Variants in BCAR3 observed in about 807,000 individuals in gnomAD.
BCAR3 encodes BCAR3 adaptor protein, NSP family member, also known as breast cancer anti-estrogen resistance protein 3.
A neutral mutation model predicts 80.1 loss-of-function variants in BCAR3; 37 were observed. The observed-to-expected ratio is 0.46, with a 90% CI of 0.36 to 0.61. The LOEUF (loss-of-function observed/expected upper bound fraction) is 0.61. Ranked by LOEUF, BCAR3 falls within the 20% of genes least tolerant of loss-of-function variation. The pLI, the probability that BCAR3 is intolerant of heterozygous loss-of-function variation, is 0.00. For missense variants in BCAR3, 978 were observed against 1,068.2 expected (o/e 0.92, Z 1.18); for synonymous variants, 389 against 418.9 (o/e 0.93, Z 0.87).
At chr1:93,562,801 A>G (rs1458678847) in intron 11 of BCAR3, among the ~76,000 whole-genome samples, 1 of 150,370 alleles carries the variant, frequency 6.7e-6, no homozygotes, top group Non-Finnish European at 1.5e-5. Context: ...ATAGACTGAA[A>G]GCTTGCTTAA....
At chr1:93,710,599 C>T (rs761955101) in intron 2 of BCAR3, among the ~76,000 whole-genome samples, 20 of 152,278 alleles carry the variant, frequency 1.3e-4, no homozygotes, top group African/African-American at 2.4e-4. Context: ...ACCAACCTTT[C>T]GGCCTCATTT....
intron 2 of BCAR3, among the ~76,000 whole-genome samples, chr1:93,826,025 G>T (rs1654361461): frequency 6.6e-6 from 1 of 152,210 alleles, no homozygotes; most frequent in Non-Finnish European, 1.5e-5. Flanking sequence ...TTCAGTAAAT[G>T]TGAGTTGAAT....
intron 2 of BCAR3, among the ~76,000 whole-genome samples, chr1:93,782,841 T>C (rs1652810111): frequency 6.6e-6 from 1 of 152,196 alleles, no homozygotes; most frequent in East Asian, 1.9e-4. Context: ...AGAACATCTG[T>C]TCATCAAAAG....
intron 8 of BCAR3, among the ~76,000 whole-genome samples, chr1:93,575,530 A>C (rs1317637657): frequency 6.6e-6 from 1 of 151,996 alleles, no homozygotes; most frequent in Admixed American, 6.6e-5. Context: ...CTCTGACCCT[A>C]TTTGTCCACC....
At chr1:93,609,508 G>A (rs763200623) in intron 3 of BCAR3, among the ~76,000 whole-genome samples, 1 of 152,112 alleles carries the variant, frequency 6.6e-6, no homozygotes, top group Non-Finnish European at 1.5e-5. Flanking sequence ...TTCCTCAGGC[G>A]CAAACATTGA....
At position 93,592,094 on chromosome 1, in the gene BCAR3, TC is replaced by T. The variant is rs1674227552; in HGVS notation, c.486+170del. On this transcript the variant is annotated intron_variant, in intron 4 of 11. Coordinates refer to ENST00000260502, the MANE Select transcript of BCAR3 (RefSeq NM_003567.4). This position sits in a 1 kb window ranked among gnomAD's most constrained non-coding sequence, Gnocchi z 4.8. The stretch of plus-strand genomic sequence containing the variant: ...GCTTTGGGTTCTTGACCTCAGCTCT[TC>T]CCAAGGTCTTCTTAGAGAAGGGTCT... 2 of 941,210 alleles carry T rather than the reference TC, an allele frequency of 2.1e-6. No homozygotes were observed. Among genetic ancestry groups the T allele is most frequent in the Non-Finnish European group, 3.0e-6 (2 of 656,506 alleles). 58.3% of individuals were successfully genotyped at this position (941,210 alleles called of 1,614,324 possible).
chr1:93,575,400 T>C (rs1002804983), intron 8 of BCAR3, among the ~76,000 whole-genome samples: 1 of 152,206 alleles, frequency 6.6e-6, no homozygotes, highest in Admixed American at 6.5e-5. Flanking sequence ...CATACCTCAT[T>C]GTTGGTGTCT....
intron 2 of BCAR3, among the ~76,000 whole-genome samples, chr1:93,758,546 T>C (rs1651824587): frequency 1.3e-5 from 2 of 152,206 alleles, no homozygotes; most frequent in South Asian, 2.1e-4. Flanking sequence ...TCTATGACAC[T>C]TTCACTAGAT....
chr1:93,634,037 A>G (rs919970606), intron 3 of BCAR3, among the ~76,000 whole-genome samples: 8 of 152,200 alleles, frequency 5.3e-5, no homozygotes, highest in Admixed American at 2.0e-4. Flanking sequence ...GGTAACTACC[A>G]CTACAATCAC....
chr1:93,698,954 C>T (rs191864063), intron 3 of BCAR3, among the ~76,000 whole-genome samples: 10 of 152,298 alleles, frequency 6.6e-5, no homozygotes, highest in Admixed American at 6.5e-4. Flanking sequence ...GTGCCTCCTG[C>T]TTTTTTGGCT....
At chr1:93,585,556 A>T (rs778334204) in intron 5 of BCAR3, among the ~76,000 whole-genome samples, 1 of 151,886 alleles carries the variant, frequency 6.6e-6, no homozygotes, top group Non-Finnish European at 1.5e-5. Flanking sequence ...TGCCGAATAC[A>T]CTCCCACTCT....
chr1:93,657,182 G>T (rs1021226274), intron 2 of BCAR3, among the ~76,000 whole-genome samples: 1 of 152,064 alleles, frequency 6.6e-6, no homozygotes, highest in African/African-American at 2.4e-5. Context: ...TGGATTCTTA[G>T]GAGAAAAATT....
intron 2 of BCAR3, among the ~76,000 whole-genome samples, chr1:93,771,504 T>C (rs1189561145): frequency 1.3e-5 from 2 of 152,208 alleles, no homozygotes; most frequent in African/African-American, 2.4e-5. Context: ...ATAACGTCTC[T>C]ATGTCTCTTT....
intron 3 of BCAR3, among the ~76,000 whole-genome samples, chr1:93,606,669 G>A (rs1426719615): frequency 6.6e-6 from 1 of 152,152 alleles, no homozygotes; most frequent in African/African-American, 2.4e-5. Context: ...AGCCTATCTG[G>A]AGAACTACGG....
chr1:93,703,437 C>T (rs1649718175), intron 3 of BCAR3, among the ~76,000 whole-genome samples: 1 of 151,970 alleles, frequency 6.6e-6, no homozygotes, highest in South Asian at 2.1e-4. Flanking sequence ...TGTCGTGGTA[C>T]ACTCCTGTAG....
chr1:93,673,334 C>G (rs1648310333), intron 2 of BCAR3, among the ~76,000 whole-genome samples: 1 of 152,200 alleles, frequency 6.6e-6, no homozygotes, highest in African/African-American at 2.4e-5. Context: ...GAACAGATTG[C>G]TCAATAATTT....
At chr1:93,710,881 G>A (rs1453653922) in intron 2 of BCAR3, among the ~76,000 whole-genome samples, 2 of 152,204 alleles carry the variant, frequency 1.3e-5, no homozygotes, top group Non-Finnish European at 2.9e-5. Context: ...CTGGTTCAGG[G>A]TTTCTCAAGA....
intron 9 of BCAR3, 170 bp downstream of exon 9, chr1:93,571,497 AAAG>A (rs1249957067): frequency 5.0e-6 from 4 of 801,022 alleles, no homozygotes; most frequent in Non-Finnish European, 7.7e-6. Context: ...CTGTCTCAAA[AAAG>A]AAAAAAAAAA....
upstream of BCAR3, among the ~76,000 whole-genome samples, chr1:93,682,350 A>G (rs1469317929): frequency 6.6e-6 from 1 of 152,246 alleles, no homozygotes; most frequent in East Asian, 1.9e-4. Flanking sequence ...ACACTATCTT[A>G]TATCAAGATC....
Sources: gnomAD v4.1 joint callset for allele counts (sites outside exome capture counted in the v4.1 genomes callset) on GRCh38, gnomAD v4.1.1 for gene constraint, Gnocchi (gnomAD v3.1) non-coding constraint, MANE v1.5 for transcripts, NCBI Gene and HGNC (gene_info 2026-07-23, HGNC 2026-07-21) for gene names.